Variants in KAZN observed in about 807,000 individuals in gnomAD.
KAZN encodes kazrin.
A neutral mutation model predicts 87.4 loss-of-function variants in KAZN; 40 were observed. The observed-to-expected ratio is 0.46, with a 90% confidence interval of 0.36 to 0.60. The LOEUF (loss-of-function observed/expected upper bound fraction) is 0.60. Ranked by LOEUF, KAZN falls within the 20% of genes least tolerant of loss-of-function variation. KAZN has a pLI of 0.00. For missense variants in KAZN, 898 were observed against 1,073.9 expected (o/e 0.84, Z 2.29); for synonymous variants, 466 against 458.3 (o/e 1.02, Z -0.22).
At chr1:15,045,511 C>A (rs577985217) in intron 4 of KAZN, among the ~76,000 whole-genome samples, 19 of 152,346 alleles carry the variant, frequency 1.2e-4, no homozygotes, top group African/African-American at 4.6e-4. Context: ...AAGATAACTT[C>A]TAGTAGCCCA....
At chr1:14,111,732 A>ATTCTT (rs1199813387) in intron 1 of KAZN, among the ~76,000 whole-genome samples, 3 of 116,316 alleles carry the variant, frequency 2.6e-5, no homozygotes, top group African/African-American at 1.1e-4. Flanking sequence ...CTTTGCCTAG[A>ATTCTT]TTCTTTTCTT....
Position 13,992,293 on chromosome 1 carries a change from A to AT in KAZN, c.91+98546dup, listed in dbSNP as rs145129683. The stretch of plus-strand genomic sequence containing the variant: ...AATGTTGCTGAATTTATGAATCTTT[A>AT]TTTTTTTTTCTTGCTCACCAAAATT... On this transcript the variant is annotated intron_variant, in intron 1 of 16. Coordinates refer to the KAZN transcript ENST00000636203. 4.4e-4 allele frequency among the ~76,000 whole-genome samples: 66 copies of AT among 151,530 alleles called. No homozygotes were observed. In the East Asian group the frequency reaches 0.012, roughly 28 times the overall value.
Position 15,035,433 on chromosome 1 carries a change from A to G in KAZN, c.555+548A>G, listed in dbSNP as rs531731670. On this transcript the variant is annotated intron_variant, in intron 3 of 14. Coordinates refer to ENST00000376030, the MANE Select transcript of KAZN (RefSeq NM_201628.3). ...GCTTCACAGAGGAAGTGACATATGC[A>G]TTGGGCTCTGTGGGGTGAATAGGAG... Among the ~76,000 whole-genome samples, 10 of 152,310 alleles carry G rather than the reference A, an allele frequency of 6.6e-5. No homozygotes were observed. In the South Asian group the frequency reaches 2.1e-3, roughly 32 times the overall value.
intron 2 of KAZN, among the ~76,000 whole-genome samples, chr1:14,376,010 G>T (rs1475242491): frequency 6.6e-6 from 1 of 152,140 alleles, no homozygotes; most frequent in African/African-American, 2.4e-5. Flanking sequence ...TACTCCAGGG[G>T]ACCCTGGCCT....
chr1:14,376,197 A>G (rs1327877365), intron 2 of KAZN, among the ~76,000 whole-genome samples: 3 of 152,128 alleles, frequency 2.0e-5, no homozygotes, highest in Admixed American at 1.3e-4. Context: ...TTAGCCCCCA[A>G]ATGTGCATGG....
At chr1:15,044,402 G>A (rs1276833261) in intron 4 of KAZN, among the ~76,000 whole-genome samples, 2 of 152,140 alleles carry the variant, frequency 1.3e-5, no homozygotes, top group Middle Eastern at 3.2e-3. Flanking sequence ...TGGGCCCAGG[G>A]AGTGTGGAGA....
At chr1:14,443,950 G>A (rs138172776) in intron 2 of KAZN, among the ~76,000 whole-genome samples, 2 of 152,256 alleles carry the variant, frequency 1.3e-5, no homozygotes, top group East Asian at 3.9e-4. Context: ...GCCACCACCT[G>A]AGAGATCACA....
intron 2 of KAZN, among the ~76,000 whole-genome samples, chr1:14,284,112 G>A (rs781101264): frequency 6.6e-6 from 1 of 151,818 alleles, no homozygotes; most frequent in East Asian, 1.9e-4. Flanking sequence ...GGAGATCGGG[G>A]CTGGGGGGAG....
chr1:14,398,652 G>A (rs186222049), intron 2 of KAZN, among the ~76,000 whole-genome samples: 43 of 152,302 alleles, frequency 2.8e-4, no homozygotes, highest in African/African-American at 8.9e-4. Flanking sequence ...AAGAGGAAAC[G>A]TAATCAAGAC....
At chr1:14,285,403 T>C (rs1653164375) in intron 2 of KAZN, among the ~76,000 whole-genome samples, 2 of 152,226 alleles carry the variant, frequency 1.3e-5, no homozygotes. Context: ...ACTGTCTTCC[T>C]AACATCTGTG....
chr1:14,377,208 G>A (rs938065589), intron 2 of KAZN, among the ~76,000 whole-genome samples: 1 of 152,096 alleles, frequency 6.6e-6, no homozygotes, highest in Admixed American at 6.5e-5. Flanking sequence ...ATAACATGAG[G>A]GCAGGAATCA....
At chr1:14,962,973 A>T (rs1053455667) in intron 2 of KAZN, among the ~76,000 whole-genome samples, 2 of 152,082 alleles carry the variant, frequency 1.3e-5, no homozygotes, top group Non-Finnish European at 2.9e-5. Flanking sequence ...GATCTGAGTG[A>T]TTGGACATTA....
intron 2 of KAZN, among the ~76,000 whole-genome samples, chr1:14,502,341 T>C (rs965736908): frequency 3.9e-5 from 6 of 152,210 alleles, no homozygotes; most frequent in African/African-American, 1.4e-4. Context: ...ATCAACTGAA[T>C]TGTGCTTTGT....
intron 2 of KAZN, among the ~76,000 whole-genome samples, chr1:14,217,660 C>T (rs61771839): frequency 6.6e-6 from 1 of 151,878 alleles, no homozygotes; most frequent in Admixed American, 6.6e-5. Context: ...AAAAGTTTCC[C>T]AAAACAATTG....
chr1:14,328,972 A>G (rs1247306287), intron 2 of KAZN, among the ~76,000 whole-genome samples: 7 of 152,176 alleles, frequency 4.6e-5, no homozygotes, highest in Non-Finnish European at 1.5e-5. Flanking sequence ...ACTCATATTC[A>G]GTTCTTTTAT....
intron 1 of KAZN, among the ~76,000 whole-genome samples, chr1:14,013,924 C>T (rs1195694966): frequency 6.6e-6 from 1 of 152,160 alleles, no homozygotes; most frequent in Admixed American, 6.5e-5. Flanking sequence ...GGGATTGGTC[C>T]AGTGAAATCT....
chr1:14,779,617 G>A (rs1206164930), intron 1 of KAZN, among the ~76,000 whole-genome samples: 1 of 151,924 alleles, frequency 6.6e-6, no homozygotes, highest in African/African-American at 2.4e-5. Context: ...TTATTTCCTG[G>A]GCTGGTTACT....
intron 1 of KAZN, among the ~76,000 whole-genome samples, chr1:13,958,854 G>A (rs1400979851): frequency 1.3e-5 from 2 of 152,164 alleles, no homozygotes; most frequent in Non-Finnish European, 2.9e-5. Flanking sequence ...TGGAGGCAGA[G>A]ATGAGAAATG....
intron 2 of KAZN, among the ~76,000 whole-genome samples, chr1:14,346,072 A>G (rs548184080): frequency 1.4e-3 from 213 of 152,354 alleles, no homozygotes; most frequent in African/African-American, 4.8e-3. Flanking sequence ...ATTGGCCACT[A>G]GAAGTTTCCT....
Sources: gnomAD v4.1 joint callset for allele counts (sites outside exome capture counted in the v4.1 genomes callset) on GRCh38, gnomAD v4.1.1 for gene constraint, MANE v1.5 for transcripts, NCBI Gene and HGNC (gene_info 2026-07-23, HGNC 2026-07-21) for gene names.